Variants in SLC24A2 observed in about 807,000 individuals in gnomAD.
SLC24A2 encodes sodium/potassium/calcium exchanger 2.
Under a neutral mutation model 62.0 loss-of-function variants are expected in SLC24A2, and 36 were observed. The observed-to-expected ratio is 0.58, with a 90% CI of 0.44 to 0.77. SLC24A2 has a LOEUF of 0.77. Ranked by LOEUF, SLC24A2 falls within the 30% of genes least tolerant of loss-of-function variation. SLC24A2 has a pLI of 0.00. For missense variants in SLC24A2, 846 were observed against 817.9 expected, an observed-to-expected ratio of 1.03 and a Z score of -0.42; for synonymous variants, 358 against 294.0, an observed-to-expected ratio of 1.22 and a Z score of -2.23.
At chr9:20,075,922 T>A in the SLC24A2 span, among the ~76,000 whole-genome samples, 1 of 152,204 alleles carries the variant, frequency 6.6e-6, no homozygotes, top group African/African-American at 2.4e-5. Flanking sequence ...TAAAATGGTG[T>A]CGTATTTGCA....
At chr9:19,733,499 T>G (rs1821401552) in intron 2 of SLC24A2, among the ~76,000 whole-genome samples, 1 of 152,166 alleles carries the variant, frequency 6.6e-6, no homozygotes, top group South Asian at 2.1e-4. Flanking sequence ...AGAACGCAGC[T>G]TGCTGCACCC....
At chr9:19,788,772 G>A in intron 1 of SLC24A2, 113 bp downstream of exon 1, 1 of 985,394 alleles carries the variant, frequency 1.0e-6, no homozygotes, top group Non-Finnish European at 1.2e-6. Flanking sequence ...CCACATCCAC[G>A]GCAGAGCCAC....
rs1236778403 is a variant in SLC24A2, at chr9:19,508,179, T to C, written c.*7974A>G. ...TTTTTTGACTTGAGCAGAAGAAATA[T>C]CAAGGCTAGATGCAGGGTATATATG... On this transcript the variant is annotated 3_prime_UTR_variant, in exon 11 of 11. Coordinates refer to ENST00000341998, the MANE Select transcript of SLC24A2 (RefSeq NM_020344.4). 1 of 152,172 alleles carries C rather than the reference T, an allele frequency of 6.6e-6. No homozygotes were observed. Among genetic ancestry groups the C allele is most frequent in the Non-Finnish European group, 1.5e-5 (1 of 68,026 alleles). 9.4% of individuals were successfully genotyped at this position (152,172 alleles called of 1,614,324 possible).
At chr9:19,544,213 G>T (rs1396383895) in intron 8 of SLC24A2, among the ~76,000 whole-genome samples, 1 of 146,040 alleles carries the variant, frequency 6.8e-6, no homozygotes, top group Non-Finnish European at 1.5e-5. Flanking sequence ...ATCTTTGTTG[G>T]TTTAAAGTCT....
At chr9:19,959,095 CT>C in the SLC24A2 span, among the ~76,000 whole-genome samples, 226 of 152,240 alleles carry the variant, frequency 1.5e-3, no homozygotes, top group African/African-American at 5.3e-3. Flanking sequence ...CCATCTCTCA[CT>C]GTAAATGTGT....
the SLC24A2 span, among the ~76,000 whole-genome samples, chr9:20,234,260 T>C: frequency 1.3e-5 from 2 of 152,176 alleles, no homozygotes; most frequent in Non-Finnish European, 2.9e-5. Flanking sequence ...TTTCCTGAAT[T>C]TGAATGTTGG....
At chr9:19,754,708 C>T (rs1261590971) in intron 2 of SLC24A2, among the ~76,000 whole-genome samples, 1 of 151,252 alleles carries the variant, frequency 6.6e-6, no homozygotes, top group Admixed American at 6.6e-5. Flanking sequence ...CACTGAATGG[C>T]AGGGCCCTGG....
rs1832896792 is a variant in SLC24A2, at chr9:19,515,765, A to G, written c.*388T>C. On this transcript the variant is annotated 3_prime_UTR_variant, in exon 11 of 11. Transcript: ENST00000341998. ...TACTAATCTATAGGTATGCAAGGAG[A>G]GGTATAGTACAGGAACAGGCAGGAT... The G allele has an allele frequency of 3.9e-6, 1 of 254,402 alleles. No individual in the cohort carries two copies. The highest frequency in any genetic ancestry group is 1.5e-3 in the Middle Eastern group (1 of 682). The allele number at this position is 254,402 out of a possible 1,614,324, so 15.8% of individuals were successfully genotyped here.
the SLC24A2 span, among the ~76,000 whole-genome samples, chr9:20,277,670 A>T: frequency 6.6e-6 from 1 of 152,316 alleles, no homozygotes; most frequent in Non-Finnish European, 1.5e-5. Flanking sequence ...ATTTTGGAAG[A>T]CAGTGTGGCG....
intron 4 of SLC24A2, among the ~76,000 whole-genome samples, chr9:19,605,095 T>C (rs975698921): frequency 1.6e-4 from 24 of 152,204 alleles, no homozygotes; most frequent in African/African-American, 5.1e-4. Context: ...CAAATAGTTA[T>C]GCATCTTAGA....
At chr9:19,738,076 AG>A (rs1336371822) in intron 2 of SLC24A2, among the ~76,000 whole-genome samples, 2 of 152,222 alleles carry the variant, frequency 1.3e-5, no homozygotes, top group African/African-American at 4.8e-5. Context: ...AAGATGAGTG[AG>A]GAAAAAAAGC....
chr9:20,188,922 C>A, the SLC24A2 span, among the ~76,000 whole-genome samples: 1 of 152,130 alleles, frequency 6.6e-6, no homozygotes, highest in East Asian at 1.9e-4. Flanking sequence ...TTTGTTACAG[C>A]AGCATTGGGA....
chr9:19,525,561 G>A (rs1031956793), intron 9 of SLC24A2, among the ~76,000 whole-genome samples: 1 of 151,148 alleles, frequency 6.6e-6, no homozygotes, highest in African/African-American at 2.4e-5. Flanking sequence ...GTGCTACCAT[G>A]GCCAGCTAAT....
the SLC24A2 span, among the ~76,000 whole-genome samples, chr9:19,825,879 G>C: frequency 6.6e-6 from 1 of 152,040 alleles, no homozygotes; most frequent in Non-Finnish European, 1.5e-5. Flanking sequence ...AGGCACATGG[G>C]AAAACTGAAA....
rs1209972107 is a variant in SLC24A2, at chr9:19,774,931, C to A, written c.930+11006G>T. Among the ~76,000 whole-genome samples, 4 of 152,186 alleles carry A rather than the reference C, an allele frequency of 2.6e-5. No individual in the cohort carries two copies. In the East Asian group the frequency reaches 7.7e-4, roughly 29 times the overall value. ...AGTATACTTGTTTCTTTCCCATTAA[C>A]AGAGAAACACAGAGTTATCAGAGCT... On this transcript the variant is annotated intron_variant, in intron 2 of 10. Transcript: ENST00000341998.
chr9:19,913,715 A>C, the SLC24A2 span, among the ~76,000 whole-genome samples: 1 of 152,084 alleles, frequency 6.6e-6, no homozygotes, highest in African/African-American at 2.4e-5. Context: ...ACTTTATGCC[A>C]GGAACTTTGC....
At chr9:20,011,037 C>G in the SLC24A2 span, among the ~76,000 whole-genome samples, 1 of 152,192 alleles carries the variant, frequency 6.6e-6, no homozygotes, top group Non-Finnish European at 1.5e-5. Flanking sequence ...GGTTCCAGGT[C>G]TTTGCTATTT....
At chr9:19,647,148 T>G (rs1818666481) in intron 2 of SLC24A2, among the ~76,000 whole-genome samples, 1 of 150,676 alleles carries the variant, frequency 6.6e-6, no homozygotes, top group Non-Finnish European at 1.5e-5. Flanking sequence ...ATAGCCTTCT[T>G]TGATTATCAA....
chr9:20,306,822 A>G, the SLC24A2 span, among the ~76,000 whole-genome samples: 1 of 151,934 alleles, frequency 6.6e-6, no homozygotes, highest in Non-Finnish European at 1.5e-5. Context: ...TCAGCCTCCC[A>G]AGTAGCTGGG....
Sources: gnomAD v4.1 joint callset for allele counts (sites outside exome capture counted in the v4.1 genomes callset) on GRCh38, gnomAD v4.1.1 for gene constraint, MANE v1.5 for transcripts, NCBI Gene and HGNC (gene_info 2026-07-23, HGNC 2026-07-21) for gene names.